Variants in SRR observed in about 807,000 individuals in gnomAD.
SRR encodes D-serine ammonia-lyase.
SRR carries 19 observed loss-of-function variants against 32.7 expected under a neutral mutation model. The observed-to-expected ratio is 0.58, with a 90% CI of 0.40 to 0.85. The LOEUF (loss-of-function observed/expected upper bound fraction) is 0.85. Ranked by LOEUF, SRR falls within the 40% of genes least tolerant of loss-of-function variation. The probability of loss-of-function intolerance (pLI) is 0.00; values close to 1 mark genes in which losing one functional copy is unlikely to be tolerated. For missense variants in SRR, 373 were observed against 404.7 expected (o/e 0.92, Z 0.67); for synonymous variants, 142 against 140.9 (o/e 1.01, Z -0.06).
intron 2 of SRR, among the ~76,000 whole-genome samples, chr17:2,317,291 A>C (rs9674926): frequency 1.3e-5 from 2 of 149,588 alleles, no homozygotes; most frequent in African/African-American, 2.5e-5. Flanking sequence ...GCAGGCGGAT[A>C]ACGAGGTCAA....
At chr17:2,323,555 A>T in intron 7 of SRR, 100 bp from the exon 8 acceptor site, 1 of 1,323,476 alleles carries the variant, frequency 7.6e-7, no homozygotes, top group South Asian at 1.3e-5. Context: ...GTACACAGTG[A>T]TAAGAAAATT....
Position 2,324,818 on chromosome 17 carries a change from G to A in SRR, c.*945G>A, listed in dbSNP as rs182968782. Reference sequence around the variant, plus strand: ...GACATAAGATGGCCTGTAGCAATGAGGCTGTGCATTCCTAAAGGACAAAAG... The same window carrying A: ...GACATAAGATGGCCTGTAGCAATGAAGCTGTGCATTCCTAAAGGACAAAAG... On this transcript the variant is annotated 3_prime_UTR_variant, in exon 8 of 8. Transcript: ENST00000344595. 8.7e-4 allele frequency: 1,403 copies of A among 1,611,086 alleles called. 12 individuals are homozygous for A. The highest frequency in any genetic ancestry group is 1.2e-4 in the Non-Finnish European group (147 of 1,179,300).
intron 1 of SRR, among the ~76,000 whole-genome samples, chr17:2,314,277 C>T (rs1567776021): frequency 6.6e-6 from 1 of 151,870 alleles, no homozygotes; most frequent in Non-Finnish European, 1.5e-5. Flanking sequence ...TGGAGAAACC[C>T]CGTCTCTATT....
chr17:2,316,702 C>T (rs750926187), intron 2 of SRR, among the ~76,000 whole-genome samples: 2 of 151,732 alleles, frequency 1.3e-5, no homozygotes, highest in Non-Finnish European at 1.5e-5. Flanking sequence ...CATGATGAAA[C>T]GCTTTTTTGT....
intron 1 of SRR, among the ~76,000 whole-genome samples, chr17:2,305,215 G>A (rs931530005): frequency 1.3e-5 from 2 of 152,218 alleles, no homozygotes; most frequent in African/African-American, 4.8e-5. Flanking sequence ...CCAGATTTGA[G>A]AGAAATAGGA....
In SRR at chr17:2,324,863, T is replaced by A. The variant is rs774216016; in HGVS notation, c.*990T>A. Reference sequence around the variant, plus strand: ...CAAAAGCAAAGAAGCTATTTAGGAATTTACAGGCCAAAGTCTTCATTTATT... The same window carrying A: ...CAAAAGCAAAGAAGCTATTTAGGAAATTACAGGCCAAAGTCTTCATTTATT... On this transcript the variant is annotated 3_prime_UTR_variant, in exon 8 of 8. Coordinates refer to ENST00000344595, the MANE Select transcript of SRR (RefSeq NM_021947.3). 4.4e-6 allele frequency: 7 copies of A among 1,588,756 alleles called. No homozygotes were observed. The highest frequency in any genetic ancestry group is 6.0e-6 in the Non-Finnish European group (7 of 1,171,178).
intron 3 of SRR, among the ~76,000 whole-genome samples, chr17:2,318,294 AC>A (rs1291173468): frequency 6.6e-6 from 1 of 150,980 alleles, no homozygotes; most frequent in East Asian, 2.0e-4. Context: ...ACAGGTGCGC[AC>A]CACCACGCCT....
intron 1 of SRR, among the ~76,000 whole-genome samples, chr17:2,314,514 C>T (rs969339607): frequency 2.7e-5 from 4 of 148,002 alleles, no homozygotes; most frequent in East Asian, 2.0e-4. Flanking sequence ...ACCCGGGAGG[C>T]GGAGCTTGCA....
At position 2,318,906 on chromosome 17, in the gene SRR, G is replaced by GT; in HGVS notation, c.377dup (p.Tyr127IlefsTer3). On this transcript the variant is annotated frameshift_variant, in exon 4 of 8. Transcript: ENST00000344595. LOFTEE classifies it high-confidence loss of function. ...AATACAAGCCTACGGAGCGTCAATTGTATACTGTGAACCTAGTGATGAGGT... is the reference window on the plus strand; with the variant it reads ...AATACAAGCCTACGGAGCGTCAATTGTTATACTGTGAACCTAGTGATGAGGT... 1 of 1,613,486 alleles carries GT rather than the reference G, an allele frequency of 6.2e-7. No homozygotes were observed. Among genetic ancestry groups the GT allele is most frequent in the Non-Finnish European group, 8.5e-7 (1 of 1,179,532 alleles).
chr17:2,303,637 G>C (rs1394483821), upstream of SRR: 3 of 1,483,590 alleles, frequency 2.0e-6, no homozygotes, highest in South Asian at 1.3e-5. Context: ...ACTCACCTCT[G>C]CTCCCGGCCT....
Position 2,324,934 on chromosome 17 carries a change from C to G in SRR, c.*1061C>G. The G allele has an allele frequency of 7.7e-7, 1 of 1,304,954 alleles. No individual in the cohort carries two copies. The highest frequency in any genetic ancestry group is 1.0e-6 in the Non-Finnish European group (1 of 970,152). 80.8% of individuals were successfully genotyped at this position (1,304,954 alleles called of 1,614,324 possible). ...CATGCAAGAGCCTGGTTTGTCATCC[C>G]TGCCCTAGCCCAATCTGAGGCTAAG... On this transcript the variant is annotated 3_prime_UTR_variant, in exon 8 of 8. Coordinates refer to ENST00000344595, the MANE Select transcript of SRR (RefSeq NM_021947.3).
In SRR at chr17:2,315,741, T is replaced by A. The variant is rs1567776667; in HGVS notation, c.168+13T>A. 6.2e-7 allele frequency: 1 copy of A among 1,611,040 alleles called. No homozygotes were observed. Among genetic ancestry groups the A allele is most frequent in the Non-Finnish European group, 8.5e-7 (1 of 1,177,968 alleles). On this transcript the variant is annotated intron_variant, in intron 2 of 7. Transcript: ENST00000344595. ...AGGATCTTTTAAGGTAACAATCCTT[T>A]TTCTCAGTGTATCATGTATGTTTTC...
In SRR at chr17:2,316,781, C is replaced by T. The variant is rs2075476484; in HGVS notation, c.168+1053C>T. 1.3e-5 allele frequency among the ~76,000 whole-genome samples: 2 copies of T among 152,006 alleles called. 1 individual carries two copies. Among genetic ancestry groups the T allele is most frequent in the South Asian group, 4.1e-4 (2 of 4,826 alleles). On this transcript the variant is annotated intron_variant, in intron 2 of 7. Transcript: ENST00000344595. The stretch of plus-strand genomic sequence containing the variant: ...AGGCTGGAGTGCAGTGGCACGATCT[C>T]GGCTCACTGTAAGCTCCACCTCCCA...
intron 1 of SRR, chr17:2,306,920 C>A (rs777433122): frequency 1.9e-6 from 2 of 1,035,710 alleles, no homozygotes; most frequent in Non-Finnish European, 3.0e-6. Flanking sequence ...ACCAAGCACT[C>A]CAGGGGCTTT....
At chr17:2,305,911 C>G (rs1209642255) in intron 1 of SRR, among the ~76,000 whole-genome samples, 1 of 151,652 alleles carries the variant, frequency 6.6e-6, no homozygotes, top group Non-Finnish European at 1.5e-5. Flanking sequence ...GTTGACCAGT[C>G]TGGTCTCGAA....
chr17:2,324,245 C>G lies in SRR; in HGVS notation c.*372C>G. On this transcript the variant is annotated 3_prime_UTR_variant, in exon 8 of 8. Coordinates refer to ENST00000344595, the MANE Select transcript of SRR (RefSeq NM_021947.3). ...TGTTGAAGAAATCTCACTTTTCAGC[C>G]AGGGTACTGGTTCTGGTACATATGG... is the stretch of plus-strand genomic sequence containing the variant. 4.6e-6 allele frequency: 7 copies of G among 1,532,460 alleles called. No individual in the cohort carries two copies. The highest frequency in any genetic ancestry group is 6.1e-6 in the Non-Finnish European group (7 of 1,146,216). The allele number at this position is 1,532,460 out of a possible 1,614,324, so 94.9% of individuals were successfully genotyped here. A position where few individuals can be genotyped will look rare whatever the true frequency, so the allele number is the denominator to read the frequency against.
At chr17:2,323,383 T>C (rs756936243) in intron 7 of SRR, 38 bp downstream of exon 7, 30 of 1,611,074 alleles carry the variant, frequency 1.9e-5, no homozygotes, top group Non-Finnish European at 2.5e-5. Flanking sequence ...CAAAGCATGG[T>C]GTAACTTCTT....
intron 6 of SRR, among the ~76,000 whole-genome samples, chr17:2,321,871 G>A (rs564218254): frequency 3.0e-4 from 45 of 152,220 alleles, no homozygotes; most frequent in South Asian, 2.3e-3. Context: ...TCCACCTCCC[G>A]GGTTCAAGCG....
At position 2,303,975 on chromosome 17, in the gene SRR, C is replaced by T. The variant is rs1013539056; in HGVS notation, c.-47C>T. The T allele has an allele frequency of 3.4e-5, 12 of 355,996 alleles. No individual in the cohort carries two copies. Among genetic ancestry groups the T allele is most frequent in the African/African-American group, 1.3e-4 (6 of 46,284 alleles). 22.1% of individuals were successfully genotyped at this position (355,996 alleles called of 1,614,324 possible). On this transcript the variant is annotated 5_prime_UTR_variant, in exon 1 of 8. Coordinates refer to ENST00000344595, the MANE Select transcript of SRR (RefSeq NM_021947.3). ...GTGCGCAGAGGTGCGGCCGGGGAGG[C>T]GCGCGGAGGCTGGAGCTGGAGGCGC...
Sources: gnomAD v4.1 joint callset for allele counts (sites outside exome capture counted in the v4.1 genomes callset) on GRCh38, gnomAD v4.1.1 for gene constraint, MANE v1.5 for transcripts, NCBI Gene and HGNC (gene_info 2026-07-23, HGNC 2026-07-21) for gene names.